The following EPHB1 variants were observed in gnomAD, a reference collection of about 807,000 sequenced individuals.
EPHB1 encodes EPH receptor B1, also known as ephrin type-B receptor 1.
EPHB1 carries 30 observed loss-of-function variants against 94.4 expected under a neutral mutation model. That is an observed-to-expected ratio of 0.32 (90% CI 0.24 to 0.43). The LOEUF (loss-of-function observed/expected upper bound fraction) is 0.43, where lower values mean the gene tolerates loss of function less well. Among genes scored for constraint, EPHB1 ranks in the 20% least tolerant of loss-of-function variants. The probability of loss-of-function intolerance (pLI) is 1.00; values close to 1 mark genes in which losing one functional copy is unlikely to be tolerated. For synonymous variants in EPHB1, 522 were observed against 489.1 expected, an observed-to-expected ratio of 1.07 and a Z score of -0.89; for missense variants, 1,055 against 1,308.3, an observed-to-expected ratio of 0.81 and a Z score of 2.99.
chr3:135,191,399 G>A (rs1285248142), intron 10 of EPHB1, among the ~76,000 whole-genome samples: 1 of 152,166 alleles, frequency 6.6e-6, no homozygotes, highest in Non-Finnish European at 1.5e-5. Context: ...AATCACAGGA[G>A]CAATGTTAAC....
chr3:135,117,423 G>C (rs2107804328), intron 4 of EPHB1, among the ~76,000 whole-genome samples: 1 of 152,304 alleles, frequency 6.6e-6, no homozygotes, highest in East Asian at 1.9e-4. Flanking sequence ...CTTAAAATCT[G>C]GACTTTCCAA....
intron 10 of EPHB1, among the ~76,000 whole-genome samples, chr3:135,180,205 CTGT>C (rs1207449997): frequency 6.6e-6 from 1 of 152,196 alleles, no homozygotes; most frequent in African/African-American, 2.4e-5. Flanking sequence ...CCAAGCTTGT[CTGT>C]TGTTGCAGAA....
chr3:134,930,688 C>T (rs567735470), intron 2 of EPHB1, among the ~76,000 whole-genome samples: 1 of 152,350 alleles, frequency 6.6e-6, no homozygotes, highest in African/African-American at 2.4e-5. Flanking sequence ...TCCAGGTCTG[C>T]TCCAGTTCCT....
chr3:135,024,893 C>T (rs951207192), intron 3 of EPHB1, among the ~76,000 whole-genome samples: 1 of 151,224 alleles, frequency 6.6e-6, no homozygotes, highest in Non-Finnish European at 1.5e-5. Context: ...GATCTCTTGC[C>T]CCTTTCTATA....
chr3:134,880,658 C>T (rs1284179631), intron 1 of EPHB1, among the ~76,000 whole-genome samples: 4 of 152,260 alleles, frequency 2.6e-5, no homozygotes, highest in Non-Finnish European at 5.9e-5. Context: ...GCTCATACCA[C>T]TGCTCAGCCA....
Position 135,166,026 on chromosome 3 carries a change from C to T in EPHB1, c.1644C>T (p.Ala548=), listed in dbSNP as rs761709703. ...QLPLIAGSAA[A]GVVFVVSLVA... ...CCCTGATTGCTGGCTCGGCAGCGGC[C>T]GGGGTCGTGTTCGTTGTGTCCTTGG... The change falls in exon 8 of 16, where the codon GCC becomes GCT. Residue 548 remains alanine (A), a synonymous_variant. Transcript: ENST00000398015. 18 of 1,613,950 alleles carry T rather than the reference C, an allele frequency of 1.1e-5. No homozygotes were observed. In the Admixed American group the frequency reaches 1.2e-4, roughly 10 times the overall value.
intron 3 of EPHB1, among the ~76,000 whole-genome samples, chr3:134,961,239 A>C (rs949500056): frequency 3.3e-5 from 5 of 152,176 alleles, no homozygotes; most frequent in Non-Finnish European, 7.3e-5. Flanking sequence ...TGTGGCTGCA[A>C]GTGGTGCTGT....
intron 3 of EPHB1, among the ~76,000 whole-genome samples, chr3:135,021,043 C>T (rs1486762285): frequency 2.0e-5 from 3 of 152,146 alleles, no homozygotes; most frequent in South Asian, 4.1e-4. Context: ...CCTTGTTTAT[C>T]TATGATTGTA....
chr3:134,896,645 A>T (rs2038092144), intron 1 of EPHB1, among the ~76,000 whole-genome samples: 1 of 152,178 alleles, frequency 6.6e-6, no homozygotes, highest in Non-Finnish European at 1.5e-5. Context: ...GTAAATCTCA[A>T]TGGCGCTAAC....
At chr3:135,178,223 G>T (rs1047100603) in intron 9 of EPHB1, among the ~76,000 whole-genome samples, 3 of 123,978 alleles carry the variant, frequency 2.4e-5, no homozygotes, top group African/African-American at 8.8e-5. Flanking sequence ...GGAGGCCGGG[G>T]AGGGGGGGTG....
chr3:134,957,112 C>T (rs574092173), intron 3 of EPHB1, among the ~76,000 whole-genome samples: 2 of 152,228 alleles, frequency 1.3e-5, no homozygotes, highest in East Asian at 3.9e-4. Flanking sequence ...CTCTCCAAGC[C>T]CAAGAGAGCC....
At chr3:135,187,523 A>G (rs1471790345) in intron 10 of EPHB1, among the ~76,000 whole-genome samples, 2 of 152,214 alleles carry the variant, frequency 1.3e-5, no homozygotes, top group Non-Finnish European at 2.9e-5. Flanking sequence ...TCTTGTAGAT[A>G]CTATATTAAA....
At chr3:134,918,282 C>G (rs2038612537) in intron 1 of EPHB1, among the ~76,000 whole-genome samples, 1 of 152,034 alleles carries the variant, frequency 6.6e-6, no homozygotes. Flanking sequence ...ACAGCATGAG[C>G]AGAAATGGGG....
rs540814393 is a variant in EPHB1, at chr3:135,041,259, C to T, written c.806-65189C>T. Among the ~76,000 whole-genome samples, 7 of 152,268 alleles carry T rather than the reference C, an allele frequency of 4.6e-5. No homozygotes were observed. In the South Asian group the frequency reaches 1.2e-3, roughly 27 times the overall value. On this transcript the variant is annotated intron_variant, in intron 3 of 15. Transcript: ENST00000398015. Reference sequence around the variant, plus strand: ...ATAGCTCCCAGTGCTTTCAACCCCCCAGCCTTCCCCCAAACCATAATGTGG... The same window carrying T: ...ATAGCTCCCAGTGCTTTCAACCCCCTAGCCTTCCCCCAAACCATAATGTGG...
At chr3:135,097,096 CAA>C (rs1182116389) in intron 3 of EPHB1, among the ~76,000 whole-genome samples, 1,943 of 83,424 alleles carry the variant, frequency 0.023, 28 homozygotes, top group African/African-American at 0.075. Flanking sequence ...ACTCTGTCTA[CAA>C]AAAAAAAAAA....
chr3:135,082,418 C>T (rs974831372), intron 3 of EPHB1, among the ~76,000 whole-genome samples: 2 of 152,212 alleles, frequency 1.3e-5, no homozygotes, highest in Non-Finnish European at 2.9e-5. Context: ...ATGCAAATCA[C>T]TGTACATGCA....
chr3:135,080,135 T>C (rs1938111653), intron 3 of EPHB1, among the ~76,000 whole-genome samples: 1 of 152,184 alleles, frequency 6.6e-6, no homozygotes, highest in African/African-American at 2.4e-5. Context: ...CACTTCTCCC[T>C]AGCTGTTACT....
chr3:135,017,790 G>A (rs1027051928), intron 3 of EPHB1, among the ~76,000 whole-genome samples: 1 of 152,214 alleles, frequency 6.6e-6, no homozygotes, highest in East Asian at 1.9e-4. Flanking sequence ...TAGAGGCTGA[G>A]TGTGTTGGGG....
intron 1 of EPHB1, among the ~76,000 whole-genome samples, chr3:134,912,372 C>T (rs866847544): frequency 6.6e-6 from 1 of 152,230 alleles, no homozygotes; most frequent in Admixed American, 6.5e-5. Context: ...CCTAAATTTT[C>T]ATAGGTCTTT....
Sources: gnomAD v4.1 joint callset for allele counts (sites outside exome capture counted in the v4.1 genomes callset) on GRCh38, gnomAD v4.1.1 for gene constraint, MANE v1.5 for transcripts, NCBI Gene and HGNC (gene_info 2026-07-23, HGNC 2026-07-21) for gene names.